Variants in PARD3B observed in about 807,000 individuals in gnomAD.
PARD3B encodes the protein partitioning defective 3 homolog B.
In PARD3B, 103 loss-of-function variants were observed where a neutral mutation model predicts 130.2. The observed-to-expected ratio is 0.79, with a 90% CI of 0.67 to 0.93. The LOEUF is 0.93. Ranked by LOEUF, PARD3B falls within the 40% of genes least tolerant of loss-of-function variation. The pLI is 0.00. For synonymous variants in PARD3B, 583 were observed against 553.2 expected (o/e 1.05, Z -0.76); for missense variants, 1,609 against 1,499.2 (o/e 1.07, Z -1.21).
chr2:205,255,626 A>G (rs540071400), intron 16 of PARD3B, among the ~76,000 whole-genome samples: 1 of 152,260 alleles, frequency 6.6e-6, no homozygotes, highest in Admixed American at 6.5e-5. Context: ...GACTCTCCTC[A>G]GGTTCAATTA....
chr2:204,579,098 G>A (rs923648618), intron 1 of PARD3B, among the ~76,000 whole-genome samples: 1 of 151,814 alleles, frequency 6.6e-6, no homozygotes, highest in African/African-American at 2.4e-5. Context: ...GCAGGCTGGG[G>A]GCGGGGATAT....
rs1220835697 is a variant in PARD3B at position 205,244,479 on chromosome 2, A to G, written c.2141-1299A>G. Among the ~76,000 whole-genome samples, 1 of 152,218 alleles carries G rather than the reference A, an allele frequency of 6.6e-6. No homozygotes were observed. The highest frequency in any genetic ancestry group is 2.4e-5 in the African/African-American group (1 of 41,456). ...TGAAGGATGTGGGTTAGCAGTTTTC[A>G]TATCATGTATTTTTCTGATATTAGT... On this transcript the variant is annotated intron_variant, in intron 15 of 22. Transcript: ENST00000406610. This position sits in a 1 kb window ranked among gnomAD's most constrained non-coding sequence, Gnocchi z 4.7.
At chr2:205,080,033 T>G (rs1394159881) in intron 4 of PARD3B, among the ~76,000 whole-genome samples, 2 of 152,130 alleles carry the variant, frequency 1.3e-5, no homozygotes, top group Admixed American at 6.5e-5. Flanking sequence ...ACTAGTATTT[T>G]TATTATAGAA....
chr2:204,615,767 A>AG (rs1322182526), intron 1 of PARD3B, among the ~76,000 whole-genome samples: 2 of 152,188 alleles, frequency 1.3e-5, no homozygotes, highest in Non-Finnish European at 2.9e-5. Context: ...CTACTGGTTC[A>AG]GTTTGACAAT....
At chr2:205,282,489 G>GTA (rs199988615) in intron 16 of PARD3B, among the ~76,000 whole-genome samples, 1,937 of 129,646 alleles carry the variant, frequency 0.015, 36 homozygotes, top group African/African-American at 0.047. Flanking sequence ...TTGTATGTGT[G>GTA]TATATATATA....
intron 22 of PARD3B, among the ~76,000 whole-genome samples, chr2:205,608,130 A>C (rs1328812863): frequency 1.3e-5 from 2 of 152,192 alleles, no homozygotes; most frequent in African/African-American, 4.8e-5. Context: ...GGAAAAGCAG[A>C]CTTCAGGAAC....
At chr2:204,949,528 C>A (rs1204139671) in intron 2 of PARD3B, among the ~76,000 whole-genome samples, 1 of 151,984 alleles carries the variant, frequency 6.6e-6, no homozygotes, top group African/African-American at 2.4e-5. Context: ...TACCATGTTG[C>A]CCAGGCTAGT....
At chr2:205,089,362 G>T (rs927116004) in intron 4 of PARD3B, among the ~76,000 whole-genome samples, 1 of 151,782 alleles carries the variant, frequency 6.6e-6, no homozygotes, top group African/African-American at 2.4e-5. Context: ...GTACAGACAG[G>T]GTTTCACCAT....
intron 18 of PARD3B, among the ~76,000 whole-genome samples, chr2:205,304,413 A>G (rs1256402430): frequency 6.6e-6 from 1 of 152,130 alleles, no homozygotes; most frequent in East Asian, 1.9e-4. Flanking sequence ...AGACGGGCGG[A>G]TCACCTGAGG....
intron 2 of PARD3B, among the ~76,000 whole-genome samples, chr2:204,772,955 C>T (rs2041451756): frequency 6.6e-6 from 1 of 151,918 alleles, no homozygotes; most frequent in African/African-American, 2.4e-5. Flanking sequence ...AATTTTCTCC[C>T]TCACCTTGGA....
chr2:204,943,003 GC>G lies in PARD3B; in HGVS notation c.223-22148del, dbSNP rs1689030657. 6.6e-6 allele frequency among the ~76,000 whole-genome samples: 1 copy of G among 151,462 alleles called. No homozygotes were observed. The highest frequency in any genetic ancestry group is 1.5e-5 in the Non-Finnish European group (1 of 67,990). ...GACACAAATTTACCTCCAGAACCAGGCTGCACATGTCCCCCTGAAAAATAAA... is the reference window on the plus strand; with the variant it reads ...GACACAAATTTACCTCCAGAACCAGGTGCACATGTCCCCCTGAAAAATAAA... On this transcript the variant is annotated intron_variant, in intron 2 of 22. Coordinates refer to ENST00000406610, the MANE Select transcript of PARD3B (RefSeq NM_001302769.2). This position sits in a 1 kb window ranked among gnomAD's most constrained non-coding sequence, Gnocchi z 4.2.
intron 3 of PARD3B, among the ~76,000 whole-genome samples, chr2:205,007,408 G>A (rs1695358469): frequency 6.6e-6 from 1 of 152,244 alleles, no homozygotes; most frequent in Middle Eastern, 3.4e-3. Context: ...TCTACATGTG[G>A]CTTGCCAGTT....
intron 18 of PARD3B, among the ~76,000 whole-genome samples, chr2:205,368,860 C>G (rs867188709): frequency 6.8e-6 from 1 of 146,946 alleles, no homozygotes; most frequent in South Asian, 2.1e-4. Flanking sequence ...CTTGGGAAAA[C>G]AAAAAAAAAA....
At chr2:204,854,161 G>C (rs55708460) in intron 2 of PARD3B, among the ~76,000 whole-genome samples, 10,964 of 152,166 alleles carry the variant, frequency 0.072, 1,163 homozygotes, top group African/African-American at 0.24. Context: ...GTAAGATGAA[G>C]CTTGGAGGGG....
rs748346963 is a variant in PARD3B, at chr2:205,233,158, A to G, written c.2141-12620A>G. On this transcript the variant is annotated intron_variant, in intron 15 of 22. Transcript: ENST00000406610. Reference sequence around the variant, plus strand: ...AGGACGACACATTTCATACAGAGAAAAAAAGAGGAACAGCAGCAGATTTCT... The same window carrying G: ...AGGACGACACATTTCATACAGAGAAGAAAAGAGGAACAGCAGCAGATTTCT... Among the ~76,000 whole-genome samples, 35 of 152,222 alleles carry G rather than the reference A, an allele frequency of 2.3e-4. 1 individual carries two copies. Among genetic ancestry groups the G allele is most frequent in the Admixed American group, 1.7e-3 (26 of 15,286 alleles).
At chr2:205,485,546 G>C (rs2049404735) in intron 20 of PARD3B, among the ~76,000 whole-genome samples, 2 of 152,182 alleles carry the variant, frequency 1.3e-5, no homozygotes, top group African/African-American at 2.4e-5. Flanking sequence ...CATAGGTTGT[G>C]ATATATGGGG....
At chr2:204,871,819 T>C (rs1293949586) in intron 2 of PARD3B, among the ~76,000 whole-genome samples, 1 of 152,160 alleles carries the variant, frequency 6.6e-6, no homozygotes, top group Non-Finnish European at 1.5e-5. Context: ...TGTAAATGTA[T>C]ACAAGGCCAG....
intron 2 of PARD3B, among the ~76,000 whole-genome samples, chr2:204,891,623 G>A (rs1559233600): frequency 6.6e-6 from 1 of 152,122 alleles, no homozygotes. Context: ...CAATACTGCA[G>A]TAAAAAGCTT....
intron 18 of PARD3B, 23 bp from the exon 19 acceptor site, chr2:205,400,990 C>A (rs1210009338): frequency 6.5e-7 from 1 of 1,527,908 alleles, no homozygotes; most frequent in Non-Finnish European, 9.0e-7. Context: ...TTGTTAACAG[C>A]CTTCTCCTTC....
Sources: allele counts gnomAD v4.1 joint callset (sites outside exome capture counted in the v4.1 genomes callset), GRCh38; gene constraint gnomAD v4.1.1; non-coding constraint Gnocchi (gnomAD v3.1); transcripts MANE v1.5; gene names NCBI Gene and HGNC (gene_info 2026-07-23, HGNC 2026-07-21).